KIAA1549: variants seen among roughly 807,000 people sequenced by gnomAD.
KIAA1549 encodes KIAA1549, also known as UPF0606 protein KIAA1549.
A neutral mutation model predicts 156.4 loss-of-function variants in KIAA1549; 70 were observed. The observed-to-expected ratio is 0.45, with a 90% confidence interval of 0.37 to 0.55. KIAA1549 has a LOEUF of 0.55. Among genes scored for constraint, KIAA1549 ranks in the 20% least tolerant of loss-of-function variants. KIAA1549 has a pLI of 0.00. For missense variants in KIAA1549, 2,428 were observed against 2,540.9 expected (o/e 0.96, Z 0.96); for synonymous variants, 1,103 against 1,066.4 (o/e 1.03, Z -0.67).
Position 138,843,959 on chromosome 7 carries a change from G to A in KIAA1549, c.5452+358C>T, listed in dbSNP as rs546867150. 2.0e-5 allele frequency among the ~76,000 whole-genome samples: 3 copies of A among 152,282 alleles called. No homozygotes were observed. In the South Asian group the frequency reaches 6.2e-4, roughly 32 times the overall value. On this transcript the variant is annotated intron_variant, in intron 18 of 19. Transcript: ENST00000422774. ...CTCTGTCACCCAGACTTTGAGAGTC[G>A]TTCGTTACAAGCTGAAAAAAGCACC...
At chr7:138,965,118 G>A (rs546543294) in intron 1 of KIAA1549, among the ~76,000 whole-genome samples, 22 of 151,922 alleles carry the variant, frequency 1.4e-4, no homozygotes, top group African/African-American at 4.1e-4. Context: ...TTACGGAGGC[G>A]GTTGCTAATT....
Position 138,887,789 on chromosome 7 carries a change from T to C in KIAA1549, c.4033-6205A>G. Among the ~76,000 whole-genome samples, 2 of 152,164 alleles carry C rather than the reference T, an allele frequency of 1.3e-5. 1 individual carries two copies. Among genetic ancestry groups the C allele is most frequent in the Non-Finnish European group, 2.9e-5 (2 of 68,046 alleles). On this transcript the variant is annotated intron_variant, in intron 10 of 19. Transcript: ENST00000422774. ...CTCTCTTAAAGAACTGAGAGAGAAA[T>C]ACAGCCATGAAATAGGACAATTCGT...
intron 13 of KIAA1549, among the ~76,000 whole-genome samples, chr7:138,870,628 G>A (rs1052546789): frequency 6.6e-6 from 1 of 152,104 alleles, no homozygotes; most frequent in Non-Finnish European, 1.5e-5. Context: ...GCCCCTGGTC[G>A]GCCGCACTAA....
intron 10 of KIAA1549, among the ~76,000 whole-genome samples, chr7:138,889,784 T>C (rs1811498268): frequency 6.6e-6 from 1 of 152,200 alleles, no homozygotes; most frequent in South Asian, 2.1e-4. Context: ...AGTCTGTGCG[T>C]ATTATGCACA....
intron 2 of KIAA1549, among the ~76,000 whole-genome samples, chr7:138,913,260 T>C (rs1249304738): frequency 1.3e-5 from 2 of 152,192 alleles, no homozygotes; most frequent in African/African-American, 4.8e-5. Context: ...CCTACCCCAA[T>C]GTTTCAAGGC....
chr7:138,968,419 G>T (rs536699601), intron 1 of KIAA1549, among the ~76,000 whole-genome samples: 30 of 152,226 alleles, frequency 2.0e-4, no homozygotes, highest in African/African-American at 6.5e-4. Context: ...ATATTAAACA[G>T]AAATTTTTAT....
chr7:138,924,727 C>T (rs1441506387), intron 1 of KIAA1549, among the ~76,000 whole-genome samples: 2 of 152,174 alleles, frequency 1.3e-5, no homozygotes, highest in Non-Finnish European at 2.9e-5. Context: ...AAGGGAATCA[C>T]TTCTGCAGTT....
Position 138,916,968 on chromosome 7 carries a change from G to A in KIAA1549, c.2658C>T (p.Thr886=). ...PLNTSTEVST[T]STGAATGGPL... ...GACCACCAGTGGCAGCACCGGTGCT[G>A]GTTGTGCTCACTTCCGTGGAGGTGT... Residue 886 remains threonine (T), a synonymous_variant, in exon 2 of 20, where the codon ACC becomes ACT. Transcript: ENST00000422774. The A allele has an allele frequency of 6.2e-7, 1 of 1,602,354 alleles. No individual in the cohort carries two copies. The highest frequency in any genetic ancestry group is 8.5e-7 in the Non-Finnish European group (1 of 1,174,066).
chr7:138,885,343 A>T (rs149353234), intron 10 of KIAA1549, among the ~76,000 whole-genome samples: 33 of 152,312 alleles, frequency 2.2e-4, no homozygotes, highest in Non-Finnish European at 4.3e-4. Flanking sequence ...CATCACAGAC[A>T]ACCTGCTGGC....
Position 138,831,875 on chromosome 7 carries a change from C to T in KIAA1549, c.*6031G>A, listed in dbSNP as rs1474543362. On this transcript the variant is annotated 3_prime_UTR_variant, in exon 20 of 20. Transcript: ENST00000422774. ...AGGAGGGCAAAGTCGAGGGCGTTCC[C>T]ACTCCCCTTTTCTGAAACAAGTCCT... 6 of 232,868 alleles carry T rather than the reference C, an allele frequency of 2.6e-5. No individual in the cohort carries two copies. Among genetic ancestry groups the T allele is most frequent in the Non-Finnish European group, 5.1e-5 (6 of 117,860 alleles). 14.4% of individuals were successfully genotyped at this position (232,868 alleles called of 1,614,324 possible). A position where few individuals can be genotyped will look rare whatever the true frequency, so the allele number is the denominator to read the frequency against.
intron 17 of KIAA1549, among the ~76,000 whole-genome samples, chr7:138,845,038 CTTT>C (rs1008307237): frequency 6.6e-6 from 1 of 151,938 alleles, no homozygotes; most frequent in Non-Finnish European, 1.5e-5. Flanking sequence ...GGATCGCAAA[CTTT>C]TTTTTATCTC....
At chr7:138,943,139 A>T (rs1266736784) in intron 1 of KIAA1549, among the ~76,000 whole-genome samples, 2 of 152,200 alleles carry the variant, frequency 1.3e-5, no homozygotes, top group Non-Finnish European at 2.9e-5. Flanking sequence ...AAATAATCAC[A>T]GATCTTCTTG....
At chr7:138,956,337 C>A (rs796560394) in intron 1 of KIAA1549, among the ~76,000 whole-genome samples, 14 of 152,254 alleles carry the variant, frequency 9.2e-5, no homozygotes, top group African/African-American at 3.4e-4. Flanking sequence ...TAAAAAGAAG[C>A]CCAGCTTTAT....
intron 1 of KIAA1549, among the ~76,000 whole-genome samples, chr7:138,949,539 T>C (rs1431822589): frequency 6.6e-6 from 1 of 152,210 alleles, no homozygotes; most frequent in Non-Finnish European, 1.5e-5. Context: ...TCTCTCGGCA[T>C]ACAGCTAATG....
At chr7:138,955,846 C>G (rs1813646569) in intron 1 of KIAA1549, among the ~76,000 whole-genome samples, 1 of 152,100 alleles carries the variant, frequency 6.6e-6, no homozygotes, top group Non-Finnish European at 1.5e-5. Context: ...TTTATCCCAA[C>G]AGAGAGGGAA....
Position 138,919,199 on chromosome 7 carries a change from C to G in KIAA1549, c.427G>C (p.Val143Leu), listed in dbSNP as rs1038347765. Residue 143 changes from valine (V) to leucine (L), a missense_variant, in exon 2 of 20, where the codon GTG becomes CTG. Val to Leu is a conservative substitution (Grantham distance 32). This residue lies in a region of KIAA1549 where 893 missense variants were observed against 847.9 expected (regional missense o/e 1.05). Transcript: ENST00000422774. ...ADPSIFVATY[V>L]SVTSKEVAVN... ...GCCACCTCTTTACTCGTCACTGACACGTAAGTTGCCACAAAGATGCTGGGA... is the reference window on the plus strand; with the variant it reads ...GCCACCTCTTTACTCGTCACTGACAGGTAAGTTGCCACAAAGATGCTGGGA... 3 of 1,613,946 alleles carry G rather than the reference C, an allele frequency of 1.9e-6. 1 individual carries two copies. In the South Asian group the frequency reaches 3.3e-5, roughly 18 times the overall value.
At position 138,906,992 on chromosome 7, in the gene KIAA1549, G is replaced by A. The variant is rs373877771; in HGVS notation, c.3387C>T (p.Ser1129=). The change falls in exon 6 of 20, where the codon AGC becomes AGT. Residue 1129 remains serine, a synonymous_variant. Coordinates refer to ENST00000422774, the MANE Select transcript of KIAA1549 (RefSeq NM_001164665.2). ...TQGFLNGSEV[S]ELLRNLSVVE... is the part of the protein sequence containing the mutation. The stretch of plus-strand genomic sequence containing the variant: ...CCACACTCAAGTTTCTGAGCAGCTC[G>A]CTCACTTCCGACCCATTCAAAAATC... 9.3e-6 allele frequency: 15 copies of A among 1,613,126 alleles called. No homozygotes were observed. The highest frequency in any genetic ancestry group is 6.7e-5 in the East Asian group (3 of 44,874).
intron 8 of KIAA1549, among the ~76,000 whole-genome samples, chr7:138,900,237 G>A (rs150420083): frequency 3.3e-5 from 5 of 152,248 alleles, no homozygotes; most frequent in African/African-American, 1.2e-4. Flanking sequence ...CTTCCAGATC[G>A]TGTCTAAAGA....
At chr7:138,847,584 A>G (rs990400975) in intron 17 of KIAA1549, among the ~76,000 whole-genome samples, 1 of 152,234 alleles carries the variant, frequency 6.6e-6, no homozygotes, top group African/African-American at 2.4e-5. Context: ...CAGTGTCCAC[A>G]CATAGCTTGT....
Sources: gnomAD v4.1 joint callset for allele counts (sites outside exome capture counted in the v4.1 genomes callset) on GRCh38, gnomAD v4.1.1 for gene constraint, gnomAD v4.1.1 regional missense constraint, MANE v1.5 for transcripts, NCBI Gene and HGNC (gene_info 2026-07-23, HGNC 2026-07-21) for gene names.